Variants in SLCO1B3 observed in about 807,000 individuals in gnomAD.
SLCO1B3 encodes liver-specific organic anion transporter 2.
Under a neutral mutation model 71.8 loss-of-function variants are expected in SLCO1B3, and 72 were observed. The ratio of observed to expected loss-of-function variants is 1.00; its 90% CI spans 0.83 to 1.22. The LOEUF (loss-of-function observed/expected upper bound fraction) is 1.22. SLCO1B3 is among the 50% of genes most tolerant of loss of function. SLCO1B3 has a pLI of 0.00. For synonymous variants in SLCO1B3, 298 were observed against 278.4 expected, an observed-to-expected ratio of 1.07 and a Z score of -0.70; for missense variants, 911 against 819.7, an observed-to-expected ratio of 1.11 and a Z score of -1.36.
At chr12:20,826,499 A>G (rs1468831183) in intron 3 of SLCO1B3, among the ~76,000 whole-genome samples, 2 of 152,052 alleles carry the variant, frequency 1.3e-5, no homozygotes, top group East Asian at 1.9e-4. Flanking sequence ...TCAAGTCTCA[A>G]TCTCTGGAAT....
intron 8 of SLCO1B3, among the ~76,000 whole-genome samples, chr12:20,874,917 A>G (rs756366871): frequency 3.3e-5 from 5 of 152,300 alleles, no homozygotes; most frequent in Non-Finnish European, 5.9e-5. Context: ...AACAGTTATT[A>G]AATGGTCTGA....
chr12:20,839,593 C>T (rs1037887914), intron 3 of SLCO1B3, among the ~76,000 whole-genome samples: 5 of 151,918 alleles, frequency 3.3e-5, no homozygotes, highest in African/African-American at 9.7e-5. Flanking sequence ...ACTTTTTTCC[C>T]CTTGTCTTTG....
intron 13 of SLCO1B3, among the ~76,000 whole-genome samples, 157 bp downstream of exon 13, chr12:20,883,759 C>CATCATTAATA (rs2121315889): frequency 6.6e-6 from 1 of 151,920 alleles, no homozygotes; most frequent in South Asian, 2.1e-4. Context: ...ATTTCAATAA[C>CATCATTAATA]ATCATTAATA....
Position 20,862,849 on chromosome 12 carries a change from A to G in SLCO1B3, c.722A>G (p.Asp241Gly), listed in dbSNP as rs746163941. ...ATGTACGTGGATATTGGATATGTAGATCTGAGTAAGTACAATTAGAACAAG... is the reference window on the plus strand; with the variant it reads ...ATGTACGTGGATATTGGATATGTAGGTCTGAGTAAGTACAATTAGAACAAG... Reference protein sequence around the residue: ...AKMYVDIGYVDLSTIRITPKD... With the variant: ...AKMYVDIGYVGLSTIRITPKD... The change falls in exon 8 of 16, where the codon GAT becomes GGT. Residue 241 changes from aspartate to glycine, a missense_variant. Transcript: ENST00000381545. 1.3e-6 allele frequency: 2 copies of G among 1,559,178 alleles called. No homozygotes were observed. Among genetic ancestry groups the G allele is most frequent in the South Asian group, 1.1e-5 (1 of 89,426 alleles).
In SLCO1B3 at chr12:20,815,124, T is replaced by G. The variant is rs112648107; in HGVS notation, c.-65-550T>G. ...CTCTCTGAGAGATACTTGGAATATA[T>G]TTTGCTCTTTTAAACAAATCCAAAC... On this transcript the variant is annotated intron_variant, in intron 2 of 15. Coordinates refer to ENST00000381545, the MANE Select transcript of SLCO1B3 (RefSeq NM_019844.4). 4.6e-5 allele frequency among the ~76,000 whole-genome samples: 7 copies of G among 152,092 alleles called. 1 individual carries two copies. Among genetic ancestry groups the G allele is most frequent in the African/African-American group, 1.7e-4 (7 of 41,502 alleles).
intron 3 of SLCO1B3, among the ~76,000 whole-genome samples, chr12:20,832,468 A>G (rs1161709172): frequency 6.6e-6 from 1 of 151,256 alleles, no homozygotes; most frequent in Admixed American, 6.6e-5. Flanking sequence ...TTGTAATGAA[A>G]ATCTTTAACA....
intron 10 of SLCO1B3, among the ~76,000 whole-genome samples, 158 bp downstream of exon 10, chr12:20,878,094 CGTT>C (rs1865619048): frequency 1.3e-5 from 2 of 151,700 alleles, no homozygotes; most frequent in Admixed American, 6.6e-5. Context: ...GTAATATCAT[CGTT>C]GTTCTGCATT....
Position 20,860,720 on chromosome 12 carries a change from A to G in SLCO1B3, c.360-297A>G, listed in dbSNP as rs187545644. Reference sequence around the variant, plus strand: ...GACATAGTTAACAGATAAAAAAACAACAGGTGAAACCATGATATTTCATAT... The same window carrying G: ...GACATAGTTAACAGATAAAAAAACAGCAGGTGAAACCATGATATTTCATAT... On this transcript the variant is annotated intron_variant, in intron 5 of 15. Transcript: ENST00000381545. Among the ~76,000 whole-genome samples, 48 of 152,150 alleles carry G rather than the reference A, an allele frequency of 3.2e-4. 2 individuals are homozygous for G. In the East Asian group the frequency reaches 7.9e-3, roughly 25 times the overall value.
chr12:20,823,097 A>G (rs1864350460), intron 3 of SLCO1B3, among the ~76,000 whole-genome samples: 2 of 152,192 alleles, frequency 1.3e-5, no homozygotes, highest in Admixed American at 1.3e-4. Context: ...AGGAAGAGAG[A>G]CAAACACACA....
At chr12:20,844,043 T>C (rs1296229547) in intron 3 of SLCO1B3, among the ~76,000 whole-genome samples, 1 of 152,030 alleles carries the variant, frequency 6.6e-6, no homozygotes, top group Non-Finnish European at 1.5e-5. Flanking sequence ...CAACTTATTA[T>C]ACTCCTTTTA....
At chr12:20,873,488 A>G (rs189142474) in intron 8 of SLCO1B3, among the ~76,000 whole-genome samples, 1 of 152,122 alleles carries the variant, frequency 6.6e-6, no homozygotes, top group African/African-American at 2.4e-5. Flanking sequence ...TCCTCTCAGT[A>G]CTTCGAGACA....
chr12:20,834,369 CTA>C (rs35103050), intron 3 of SLCO1B3, among the ~76,000 whole-genome samples: 6 of 140,142 alleles, frequency 4.3e-5, no homozygotes, highest in Admixed American at 3.7e-4. Context: ...TACGTGGAGA[CTA>C]TATATATATA....
chr12:20,906,027 T>C (rs1489522347), intron 15 of SLCO1B3, among the ~76,000 whole-genome samples: 1 of 152,026 alleles, frequency 6.6e-6, no homozygotes, highest in African/African-American at 2.4e-5. Context: ...TTCTAAACCA[T>C]CAGATCTGGT....
intron 13 of SLCO1B3, among the ~76,000 whole-genome samples, chr12:20,887,714 CAAA>C (rs1865820433): frequency 6.6e-6 from 1 of 150,412 alleles, no homozygotes; most frequent in African/African-American, 2.4e-5. Flanking sequence ...TTTTACTGAA[CAAA>C]AGTTTTGTAG....
At chr12:20,895,378 C>A (rs1865984933) in intron 13 of SLCO1B3, among the ~76,000 whole-genome samples, 1 of 152,152 alleles carries the variant, frequency 6.6e-6, no homozygotes, top group African/African-American at 2.4e-5. Context: ...TTCCTAGATA[C>A]AATGGGGGTA....
At chr12:20,869,395 G>C (rs977631019) in intron 8 of SLCO1B3, among the ~76,000 whole-genome samples, 5 of 78,500 alleles carry the variant, frequency 6.4e-5, no homozygotes, top group Non-Finnish European at 1.9e-4. Flanking sequence ...TATGATTATA[G>C]AGTGAGGATT....
chr12:20,890,084 A>T (rs575882779), intron 13 of SLCO1B3, among the ~76,000 whole-genome samples: 3 of 150,964 alleles, frequency 2.0e-5, no homozygotes, highest in South Asian at 4.2e-4. Context: ...CACCCAGCTA[A>T]TTTTTTTTAT....
chr12:20,827,823 C>T (rs1864458813), intron 3 of SLCO1B3, among the ~76,000 whole-genome samples: 1 of 152,138 alleles, frequency 6.6e-6, no homozygotes, highest in African/African-American at 2.4e-5. Flanking sequence ...CCGCCTTGGC[C>T]TTCCAAAGTG....
intron 9 of SLCO1B3, among the ~76,000 whole-genome samples, chr12:20,875,857 A>G (rs1865569722): frequency 6.6e-6 from 1 of 151,940 alleles, no homozygotes; most frequent in Non-Finnish European, 1.5e-5. Flanking sequence ...TTCTCTGGTA[A>G]TAGAACATTG....
Sources: gnomAD v4.1 joint callset for allele counts (sites outside exome capture counted in the v4.1 genomes callset) on GRCh38, gnomAD v4.1.1 for gene constraint, MANE v1.5 for transcripts, NCBI Gene and HGNC (gene_info 2026-07-23, HGNC 2026-07-21) for gene names.